Variants in OSBPL6 observed in about 807,000 individuals in gnomAD.
OSBPL6 encodes oxysterol binding protein like 6.
In OSBPL6, 49 loss-of-function variants were observed where a neutral mutation model predicts 125.8. That is an observed-to-expected ratio of 0.39 (90% confidence interval 0.31 to 0.49). The LOEUF is 0.49. Ranked by LOEUF, OSBPL6 falls within the 20% of genes least tolerant of loss-of-function variation. OSBPL6 has a pLI of 0.88. For synonymous variants in OSBPL6, 394 were observed against 391.8 expected, an observed-to-expected ratio of 1.01 and a Z score of -0.07; for missense variants, 986 against 1,135.4, an observed-to-expected ratio of 0.87 and a Z score of 1.89.
At chr2:178,320,396 A>G (rs1200567866) in intron 3 of OSBPL6, 2 of 1,613,024 alleles carry the variant, frequency 1.2e-6, no homozygotes, top group Non-Finnish European at 1.7e-6. Flanking sequence ...GGGGAAACAG[A>G]GGGCGGGTAA....
intron 18 of OSBPL6, 102 bp from the exon 19 acceptor site, chr2:178,385,356 C>A: frequency 1.2e-6 from 1 of 813,560 alleles, no homozygotes; most frequent in Non-Finnish European, 2.0e-6. Context: ...TGAAGTCTTA[C>A]AGATTTACTT....
chr2:178,298,048 CCATTCTA>C (rs1362157184), intron 2 of OSBPL6, among the ~76,000 whole-genome samples: 6 of 152,192 alleles, frequency 3.9e-5, no homozygotes, highest in African/African-American at 1.4e-4. Flanking sequence ...CTGATAACCA[CCATTCTA>C]CCTTCTGTCT....
At chr2:178,237,267 C>T (rs770964747) in intron 1 of OSBPL6, among the ~76,000 whole-genome samples, 6 of 152,136 alleles carry the variant, frequency 3.9e-5, no homozygotes, top group Non-Finnish European at 7.3e-5. Context: ...TACTTCTGTC[C>T]CCATATCTCT....
In OSBPL6 at chr2:178,265,191, C is replaced by CTTTTTTTTTTTTTTT. The variant is rs376718500; in HGVS notation, c.-350-19712_-350-19698dup. On this transcript the variant is annotated intron_variant, in intron 1 of 24. Coordinates refer to ENST00000190611, the MANE Select transcript of OSBPL6 (RefSeq NM_032523.4). ...GTCACTTCCCCTGGCCCAGACGAGACTTTTTTTTTTTTTTTTTTTTTTTTT... is the reference window on the plus strand; with the variant it reads ...GTCACTTCCCCTGGCCCAGACGAGACTTTTTTTTTTTTTTTTTTTTTTTTTTTTTTTTTTTTTTTT... 8.9e-5 allele frequency among the ~76,000 whole-genome samples: 3 copies of CTTTTTTTTTTTTTTT among 33,730 alleles called. 1 individual carries two copies. The highest frequency in any genetic ancestry group is 2.0e-4 in the Non-Finnish European group (3 of 15,222). The allele number at this position is 33,730 out of a possible 152,430, so 22.1% of individuals were successfully genotyped here.
At chr2:178,355,487 C>A (rs1194347905) in intron 12 of OSBPL6, among the ~76,000 whole-genome samples, 1 of 152,082 alleles carries the variant, frequency 6.6e-6, no homozygotes, top group Non-Finnish European at 1.5e-5. Flanking sequence ...AGAAAATCTA[C>A]AAGAAATTGA....
At chr2:178,338,555 G>A (rs139388639) in intron 9 of OSBPL6, among the ~76,000 whole-genome samples, 110 of 152,262 alleles carry the variant, frequency 7.2e-4, no homozygotes, top group African/African-American at 2.6e-3. Context: ...AACTGATTCT[G>A]TATTCCGTCC....
At position 178,342,205 on chromosome 2, in the gene OSBPL6, T is replaced by C. The variant is rs114639542; in HGVS notation, c.987+2441T>C. ...AGGCTCTCAAGCAGTGAGAGCTCAT[T>C]TTCTGTCCCCACTCTTCTTCGTAAC... On this transcript the variant is annotated intron_variant, in intron 11 of 24. Transcript: ENST00000190611. Among the ~76,000 whole-genome samples the C allele has an allele frequency of 1.6e-3, 240 of 152,232 alleles. 1 individual carries two copies. The highest frequency in any genetic ancestry group is 3.3e-3 in the South Asian group (16 of 4,820).
At chr2:178,304,220 C>G (rs559189214) in intron 2 of OSBPL6, among the ~76,000 whole-genome samples, 1 of 152,242 alleles carries the variant, frequency 6.6e-6, no homozygotes, top group Admixed American at 6.5e-5. Flanking sequence ...CTCCCACAAG[C>G]TGTATCAGTC....
At chr2:178,244,772 G>A (rs944592355) in intron 1 of OSBPL6, among the ~76,000 whole-genome samples, 1 of 152,086 alleles carries the variant, frequency 6.6e-6, no homozygotes, top group Non-Finnish European at 1.5e-5. Context: ...TCCTTCAAAT[G>A]GAAAAAAGCA....
At chr2:178,379,757 T>G (rs757512070) in intron 15 of OSBPL6, among the ~76,000 whole-genome samples, 1 of 152,244 alleles carries the variant, frequency 6.6e-6, no homozygotes, top group African/African-American at 2.4e-5. Context: ...TCAGCTCTGC[T>G]GCAGTCAGTA....
intron 1 of OSBPL6, among the ~76,000 whole-genome samples, chr2:178,216,708 C>T (rs1405089342): frequency 3.3e-5 from 5 of 152,174 alleles, no homozygotes; most frequent in African/African-American, 7.2e-5. Context: ...TTCTCTACAA[C>T]GTACCTATCA....
chr2:178,337,291 G>T (rs750802160), intron 9 of OSBPL6, among the ~76,000 whole-genome samples: 3 of 151,944 alleles, frequency 2.0e-5, no homozygotes, highest in Non-Finnish European at 2.9e-5. Context: ...GTAGATATTA[G>T]ATCACTTTTT....
intron 6 of OSBPL6, 137 bp downstream of exon 6, chr2:178,331,742 C>A: frequency 1.2e-6 from 1 of 840,596 alleles, no homozygotes; most frequent in Non-Finnish European, 2.0e-6. Flanking sequence ...TCACAAGCTC[C>A]CAAACCTCCA....
At chr2:178,268,049 A>G (rs1235467924) in intron 1 of OSBPL6, among the ~76,000 whole-genome samples, 1 of 152,030 alleles carries the variant, frequency 6.6e-6, no homozygotes, top group Non-Finnish European at 1.5e-5. Flanking sequence ...TAAAGGTTTT[A>G]AAGTAAATAT....
At chr2:178,303,102 G>T (rs768352496) in intron 2 of OSBPL6, among the ~76,000 whole-genome samples, 3 of 152,172 alleles carry the variant, frequency 2.0e-5, no homozygotes, top group Non-Finnish European at 4.4e-5. Context: ...TTATTAGAAT[G>T]CCTTCATAAA....
At chr2:178,237,571 A>T (rs1231259795) in intron 1 of OSBPL6, among the ~76,000 whole-genome samples, 1 of 152,138 alleles carries the variant, frequency 6.6e-6, no homozygotes, top group African/African-American at 2.4e-5. Flanking sequence ...ATTTAAATTT[A>T]GTAGCTCCTC....
chr2:178,386,160 A>G (rs542093360), intron 19 of OSBPL6, among the ~76,000 whole-genome samples: 9 of 152,346 alleles, frequency 5.9e-5, no homozygotes, highest in African/African-American at 2.2e-4. Flanking sequence ...TCTCATGAGC[A>G]TTTTCTTAAC....
At chr2:178,217,425 C>G (rs925001056) in intron 1 of OSBPL6, among the ~76,000 whole-genome samples, 30 of 152,222 alleles carry the variant, frequency 2.0e-4, no homozygotes, top group African/African-American at 6.7e-4. Flanking sequence ...GCTACATTGT[C>G]CGAGGTGTAT....
chr2:178,308,547 GCCTTT>G (rs888307946), intron 3 of OSBPL6, among the ~76,000 whole-genome samples: 5 of 152,158 alleles, frequency 3.3e-5, no homozygotes, highest in Non-Finnish European at 7.4e-5. Flanking sequence ...CACATTATTT[GCCTTT>G]CCTTCTCAAG....
Sources: gnomAD v4.1 joint callset for allele counts (sites outside exome capture counted in the v4.1 genomes callset) on GRCh38, gnomAD v4.1.1 for gene constraint, MANE v1.5 for transcripts, NCBI Gene and HGNC (gene_info 2026-07-23, HGNC 2026-07-21) for gene names.